The following ARHGAP26 variants were observed in gnomAD, a reference collection of about 807,000 sequenced individuals.
The protein encoded by ARHGAP26 is Rho GTPase activating protein 26.
A neutral mutation model predicts 104.8 loss-of-function variants in ARHGAP26; 38 were observed. That is an observed-to-expected ratio of 0.36 (90% confidence interval 0.28 to 0.48). The LOEUF is 0.48. Ranked by LOEUF, ARHGAP26 falls within the 20% of genes least tolerant of loss-of-function variation. The probability of loss-of-function intolerance (pLI) is 0.99; values close to 1 mark genes in which losing one functional copy is unlikely to be tolerated. For missense variants in ARHGAP26, 704 were observed against 947.9 expected (o/e 0.74, Z 3.38); for synonymous variants, 341 against 340.0 (o/e 1.00, Z -0.03).
intron 11 of ARHGAP26, among the ~76,000 whole-genome samples, chr5:142,992,243 A>C (rs1253768823): frequency 6.6e-6 from 1 of 152,120 alleles, no homozygotes; most frequent in Non-Finnish European, 1.5e-5. Context: ...TCCCATAATA[A>C]GATAAATATT....
chr5:143,215,204 C>T (rs1810156648), intron 22 of ARHGAP26, among the ~76,000 whole-genome samples: 1 of 152,214 alleles, frequency 6.6e-6, no homozygotes, highest in African/African-American at 2.4e-5. Context: ...GGGGCTTCTG[C>T]CTATAGAAGA....
chr5:142,818,763 G>A (rs1765581148), intron 1 of ARHGAP26, among the ~76,000 whole-genome samples: 1 of 152,118 alleles, frequency 6.6e-6, no homozygotes, highest in African/African-American at 2.4e-5. Flanking sequence ...TGTGTTTGTC[G>A]TCATTGTTTC....
intron 17 of ARHGAP26, among the ~76,000 whole-genome samples, chr5:143,093,541 T>C (rs1363634499): frequency 6.6e-6 from 1 of 152,174 alleles, no homozygotes; most frequent in African/African-American, 2.4e-5. Context: ...TCTCTTTCTC[T>C]CTTTGACTCC....
intron 12 of ARHGAP26, among the ~76,000 whole-genome samples, chr5:143,036,509 C>A (rs245826): frequency 6.6e-6 from 1 of 152,178 alleles, no homozygotes; most frequent in African/African-American, 2.4e-5. Context: ...GTTCTTGGCT[C>A]TTTTAATTTT....
chr5:142,954,910 G>A (rs926198727), intron 11 of ARHGAP26, among the ~76,000 whole-genome samples: 1 of 152,150 alleles, frequency 6.6e-6, no homozygotes, highest in Admixed American at 6.6e-5. Flanking sequence ...TTAATTCAAA[G>A]GTTTATCATC....
intron 11 of ARHGAP26, among the ~76,000 whole-genome samples, chr5:142,988,796 C>T (rs532029179): frequency 9.0e-4 from 137 of 152,200 alleles, no homozygotes; most frequent in African/African-American, 3.0e-3. Flanking sequence ...TGTAGTTGAG[C>T]GGTTTTGAGT....
chr5:143,057,760 C>G lies in ARHGAP26; in HGVS notation c.1538+13C>G, dbSNP rs1279365898. The G allele has an allele frequency of 6.2e-7, 1 of 1,603,216 alleles. No individual in the cohort carries two copies. Among genetic ancestry groups the G allele is most frequent in the Non-Finnish European group, 8.5e-7 (1 of 1,170,324 alleles). On this transcript the variant is annotated intron_variant, in intron 17 of 22. Coordinates refer to ENST00000645722, the MANE Select transcript of ARHGAP26 (RefSeq NM_001135608.3). ...ACCACTTGGCAAAGTAGGTTTAAGA[C>G]CAATTACTAGCCTTTTTCTTACCCC...
intron 1 of ARHGAP26, among the ~76,000 whole-genome samples, chr5:142,799,584 T>C (rs1218184217): frequency 6.6e-6 from 1 of 152,168 alleles, no homozygotes; most frequent in Non-Finnish European, 1.5e-5. Flanking sequence ...ATACCACAGA[T>C]TGGGTAACTT....
chr5:142,802,462 G>A (rs146899082), intron 1 of ARHGAP26, among the ~76,000 whole-genome samples: 1 of 152,260 alleles, frequency 6.6e-6, no homozygotes, highest in East Asian at 1.9e-4. Flanking sequence ...TAAGTAAAAT[G>A]GATTCTTGAA....
chr5:143,021,034 G>A (rs1383697625), intron 12 of ARHGAP26, among the ~76,000 whole-genome samples: 2 of 152,160 alleles, frequency 1.3e-5, no homozygotes, highest in Non-Finnish European at 2.9e-5. Context: ...CTGGGAGGTG[G>A]GGAGAAGAGC....
chr5:143,105,911 CTTTT>C (rs924579060), intron 17 of ARHGAP26, among the ~76,000 whole-genome samples: 1 of 151,330 alleles, frequency 6.6e-6, no homozygotes, highest in South Asian at 2.1e-4. Flanking sequence ...AGAGAAGAGA[CTTTT>C]TTTGGTGAGT....
chr5:142,943,089 G>A (rs1314274767), intron 11 of ARHGAP26, among the ~76,000 whole-genome samples: 1 of 152,186 alleles, frequency 6.6e-6, no homozygotes, highest in Non-Finnish European at 1.5e-5. Flanking sequence ...CCTGGATTGT[G>A]ATCTTGAAGT....
chr5:142,941,074 CAAAA>C (rs1162903888), intron 11 of ARHGAP26, among the ~76,000 whole-genome samples: 1 of 27,244 alleles, frequency 3.7e-5, no homozygotes, highest in Non-Finnish European at 6.4e-5. Context: ...GACTCCATCT[CAAAA>C]AAAAAAAAAA....
chr5:142,949,206 A>AGGG (rs1384997365), intron 11 of ARHGAP26, among the ~76,000 whole-genome samples: 1 of 53,196 alleles, frequency 1.9e-5, no homozygotes, highest in African/African-American at 1.7e-4. Flanking sequence ...AGAGAGAGAG[A>AGGG]GAGAGAGAGA....
chr5:142,878,241 G>A (rs1756407447), intron 3 of ARHGAP26, among the ~76,000 whole-genome samples: 1 of 152,148 alleles, frequency 6.6e-6, no homozygotes, highest in African/African-American at 2.4e-5. Context: ...AGTGATAAAT[G>A]AATGACTTAA....
chr5:142,847,608 C>T (rs797007000), intron 1 of ARHGAP26, among the ~76,000 whole-genome samples: 50 of 152,310 alleles, frequency 3.3e-4, no homozygotes, highest in African/African-American at 1.0e-3. Flanking sequence ...CCGCCCACCT[C>T]GGCCTCCCAA....
chr5:142,951,006 CCTTTCCCTTTCCCTTTCT>C (rs1348246477), intron 11 of ARHGAP26, among the ~76,000 whole-genome samples: 16 of 8,312 alleles, frequency 1.9e-3, no homozygotes, highest in Admixed American at 4.3e-3. Context: ...TTTCTCTTTC[CCTTTCCCTTTCCCTTTCT>C]CTTTCCCTTT....
intron 20 of ARHGAP26, among the ~76,000 whole-genome samples, chr5:143,204,192 A>G (rs755779037): frequency 2.0e-5 from 3 of 152,192 alleles, no homozygotes; most frequent in Non-Finnish European, 2.9e-5. Flanking sequence ...TATGGCTAAA[A>G]CATAAACAAA....
intron 11 of ARHGAP26, among the ~76,000 whole-genome samples, chr5:142,974,536 T>C (rs1156433523): frequency 6.6e-6 from 1 of 152,236 alleles, no homozygotes; most frequent in Non-Finnish European, 1.5e-5. Flanking sequence ...CTCTACAAAC[T>C]GATGAAATGT....
Sources: gnomAD v4.1 joint callset for allele counts (sites outside exome capture counted in the v4.1 genomes callset) on GRCh38, gnomAD v4.1.1 for gene constraint, MANE v1.5 for transcripts, NCBI Gene and HGNC (gene_info 2026-07-23, HGNC 2026-07-21) for gene names.